The following CHEK1 variants were observed in gnomAD, a reference collection of about 807,000 sequenced individuals.
CHEK1 encodes the protein checkpoint kinase 1.
A neutral mutation model predicts 60.2 loss-of-function variants in CHEK1; 32 were observed. That is an observed-to-expected ratio of 0.53 (90% CI 0.40 to 0.71). The LOEUF (loss-of-function observed/expected upper bound fraction) is 0.71. Among genes scored for constraint, CHEK1 ranks in the 30% least tolerant of loss-of-function variants. The pLI, the probability that CHEK1 is intolerant of heterozygous loss-of-function variation, is 0.00. For missense variants in CHEK1, 399 were observed against 564.6 expected, an observed-to-expected ratio of 0.71 and a Z score of 2.97; for synonymous variants, 179 against 187.2, an observed-to-expected ratio of 0.96 and a Z score of 0.36.
intron 8 of CHEK1, among the ~76,000 whole-genome samples, chr11:125,641,161 A>G (rs1373044446): frequency 1.3e-5 from 2 of 152,196 alleles, no homozygotes; most frequent in African/African-American, 2.4e-5. Context: ...TCTGTGGATA[A>G]GGGGGGTACT....
chr11:125,644,616 T>C lies in CHEK1; in HGVS notation c.1206T>C (p.Tyr402=). The change falls in exon 11 of 13, where the codon TAT becomes TAC. Residue 402 remains tyrosine (Y), a synonymous_variant. Coordinates refer to ENST00000438015, the MANE Select transcript of CHEK1 (RefSeq NM_001114122.3). ...AAGAGACTTGTGAGAAGTTGGGCTA[T>C]CAATGGAAGAAAAGTTGTATGAATC... is the stretch of plus-strand genomic sequence containing the variant. The part of the protein sequence containing the change: ...CLKETCEKLG[Y]QWKKSCMNQV... 6.2e-7 allele frequency: 1 copy of C among 1,614,112 alleles called. No individual in the cohort carries two copies. Among genetic ancestry groups the C allele is most frequent in the South Asian group, 1.1e-5 (1 of 91,070 alleles).
chr11:125,638,209 TC>T (rs1384697488), intron 8 of CHEK1, among the ~76,000 whole-genome samples: 1 of 152,208 alleles, frequency 6.6e-6, no homozygotes, highest in Non-Finnish European at 1.5e-5. Flanking sequence ...AGTCATATCT[TC>T]GGTTTAAAAA....
At chr11:125,627,869 T>C (rs533864617) in intron 3 of CHEK1, 39 bp downstream of exon 3, 2 of 1,439,208 alleles carry the variant, frequency 1.4e-6, no homozygotes, top group South Asian at 2.7e-5. Flanking sequence ...TAAACAAGTT[T>C]TTAAATTTGT....
intron 8 of CHEK1, chr11:125,642,848 A>G (rs1179377462): frequency 6.6e-6 from 1 of 152,192 alleles, no homozygotes; most frequent in African/African-American, 2.4e-5. Context: ...AGGTGGTAGT[A>G]TAGGTACTGG....
downstream of CHEK1, among the ~76,000 whole-genome samples, chr11:125,678,823 A>C (rs1016419498): frequency 6.6e-6 from 1 of 151,708 alleles, no homozygotes; most frequent in East Asian, 1.9e-4. Context: ...GATGACAAGT[A>C]TGAGCCCACA....
intron 5 of CHEK1, among the ~76,000 whole-genome samples, chr11:125,631,836 T>C (rs114186798): frequency 0.011 from 1,378 of 121,884 alleles, 22 homozygotes; most frequent in African/African-American, 0.041. Context: ...CACTCTAGTC[T>C]GGGCAGCAGA....
downstream of CHEK1, among the ~76,000 whole-genome samples, chr11:125,657,963 G>C (rs1369272416): frequency 6.6e-6 from 1 of 152,206 alleles, no homozygotes; most frequent in African/African-American, 2.4e-5. Context: ...AGTTTGGAAT[G>C]ATCTAAAGCA....
chr11:125,641,772 AT>A (rs1941310452), intron 8 of CHEK1, among the ~76,000 whole-genome samples: 5 of 150,300 alleles, frequency 3.3e-5, no homozygotes, highest in Admixed American at 3.3e-4. Flanking sequence ...CTTTAAAAAA[AT>A]CTTAGAATCT....
Position 125,673,499 on chromosome 11 carries a change from C to T in CHEK1, c.*28-2429C>T, listed in dbSNP as rs1942316067. Among the ~76,000 whole-genome samples the T allele has an allele frequency of 2.0e-5, 3 of 152,256 alleles. No individual in the cohort carries two copies. In the South Asian group the frequency reaches 6.2e-4, roughly 32 times the overall value. ...TACAGGCGTGAGCCACTGCACCTGG[C>T]CTGAAACTACACCCTTTCTTGATAC... is the stretch of plus-strand genomic sequence containing the variant. On this transcript the variant is annotated intron_variant, in intron 13 of 13. Coordinates refer to the CHEK1 transcript ENST00000428830.
At chr11:125,639,461 T>C (rs1941198771) in intron 8 of CHEK1, among the ~76,000 whole-genome samples, 2 of 142,358 alleles carry the variant, frequency 1.4e-5, no homozygotes, top group Admixed American at 1.5e-4. Context: ...AACCTCTGCC[T>C]CTCAGGTTCA....
In CHEK1 at chr11:125,629,456, A is replaced by G; in HGVS notation, c.420A>G (p.Glu140=). The part of the protein sequence containing the change: ...DIKPENLLLD[E]RDNLKISDFG... The stretch of plus-strand genomic sequence containing the variant: ...AACCAGAAAATCTTCTGTTGGATGA[A>G]AGGGGTAAGTTTAGCATTTTATCAC... Residue 140 remains glutamate (E), a synonymous_variant, in exon 5 of 13, where the codon GAA becomes GAG. Transcript: ENST00000438015. The G allele has an allele frequency of 6.2e-7, 1 of 1,609,064 alleles. No homozygotes were observed. The highest frequency in any genetic ancestry group is 1.1e-5 in the South Asian group (1 of 90,838).
intron 7 of CHEK1, 61 bp from the exon 8 acceptor site, chr11:125,637,388 C>T (rs1941112956): frequency 7.3e-7 from 1 of 1,368,120 alleles, no homozygotes; most frequent in Non-Finnish European, 1.0e-6. Context: ...TTTCTTACCT[C>T]AAGCCATAGG....
rs961200994 is a variant in CHEK1, at chr11:125,655,486, T to A, written c.*166T>A. 5.1e-5 allele frequency: 25 copies of A among 490,418 alleles called. No homozygotes were observed. The highest frequency in any genetic ancestry group is 7.9e-5 in the Non-Finnish European group (22 of 279,842). The allele number at this position is 490,418 out of a possible 1,614,324, so 30.4% of individuals were successfully genotyped here. A position where few individuals can be genotyped will look rare whatever the true frequency, so the allele number is the denominator to read the frequency against. On this transcript the variant is annotated 3_prime_UTR_variant, in exon 13 of 13. Transcript: ENST00000438015. ...TCCAATTTATTTTGTTTGTTCGGCATACAAATAATACCTATATCTTAATTG... is the reference window on the plus strand; with the variant it reads ...TCCAATTTATTTTGTTTGTTCGGCAAACAAATAATACCTATATCTTAATTG...
chr11:125,640,110 T>G (rs750763744), intron 8 of CHEK1, among the ~76,000 whole-genome samples: 7 of 152,232 alleles, frequency 4.6e-5, no homozygotes, highest in Non-Finnish European at 1.0e-4. Context: ...AAAACTAGTT[T>G]TCAATTTCAT....
At chr11:125,637,339 G>A (rs113834209) in intron 7 of CHEK1, 110 bp from the exon 8 acceptor site, 8 of 692,630 alleles carry the variant, frequency 1.2e-5, no homozygotes, top group African/African-American at 9.3e-5. Flanking sequence ...TCTTCCCCAG[G>A]AATAATATTT....
chr11:125,644,061 TG>T (rs1250791084), intron 9 of CHEK1, 29 bp from the exon 10 acceptor site: 1 of 1,595,300 alleles, frequency 6.3e-7, no homozygotes, highest in African/African-American at 1.4e-5. Context: ...TTTTATTAAA[TG>T]TATGTTTCTT....
chr11:125,680,179 T>C (rs1444222494), downstream of CHEK1, among the ~76,000 whole-genome samples: 20 of 152,204 alleles, frequency 1.3e-4, no homozygotes, highest in Admixed American at 1.2e-3. Flanking sequence ...ATGGCCTCTT[T>C]CTGCTGTAGG....
At chr11:125,663,698 G>GT (rs1399072607) in intron 13 of CHEK1, among the ~76,000 whole-genome samples, 1 of 152,016 alleles carries the variant, frequency 6.6e-6, no homozygotes, top group Non-Finnish European at 1.5e-5. Flanking sequence ...TTTTGTTTTT[G>GT]TTGCAGTTGC....
At chr11:125,660,795 G>A (rs1444849881), downstream of CHEK1, among the ~76,000 whole-genome samples, 1 of 150,644 alleles carries the variant, frequency 6.6e-6, no homozygotes, top group Non-Finnish European at 1.5e-5. Context: ...ACTTTTTTGA[G>A]ACGGAGTTTC....
Sources: gnomAD v4.1 joint callset for allele counts (sites outside exome capture counted in the v4.1 genomes callset) on GRCh38, gnomAD v4.1.1 for gene constraint, MANE v1.5 for transcripts, NCBI Gene and HGNC (gene_info 2026-07-23, HGNC 2026-07-21) for gene names.